ANK3: variants seen among roughly 807,000 people sequenced by gnomAD.
ANK3 encodes ankyrin 3, also known as ankyrin-3.
A neutral mutation model predicts 370.9 loss-of-function variants in ANK3; 57 were observed. That is an observed-to-expected ratio of 0.15 (90% CI 0.12 to 0.19). The LOEUF (loss-of-function observed/expected upper bound fraction) is 0.19, where lower values mean the gene tolerates loss of function less well. ANK3 is among the 10% of genes least tolerant of loss of function. The pLI, the probability that ANK3 is intolerant of heterozygous loss-of-function variation, is 1.00. For missense variants in ANK3, 4,439 were observed against 5,302.1 expected (o/e 0.84, Z 5.06); for synonymous variants, 1,929 against 1,946.3 (o/e 0.99, Z 0.23).
At chr10:60,333,880 A>T (rs2052101762) in intron 1 of ANK3, among the ~76,000 whole-genome samples, 1 of 152,112 alleles carries the variant, frequency 6.6e-6, no homozygotes. Context: ...CTACAGATGA[A>T]CCCAATGAAA....
At chr10:60,634,579 T>C (rs1424090480) in intron 1 of ANK3, among the ~76,000 whole-genome samples, 1 of 152,074 alleles carries the variant, frequency 6.6e-6, no homozygotes, top group East Asian at 1.9e-4. Flanking sequence ...AGGATGTGTG[T>C]GGGGCCAAAT....
At position 60,059,374 on chromosome 10, in the gene ANK3, C is replaced by A; in HGVS notation, c.12652G>T (p.Val4218Leu). Residue 4218 changes from valine to leucine, a missense_variant, in exon 41 of 44, where the codon GTA becomes TTA. Coordinates refer to ENST00000280772, the MANE Select transcript of ANK3 (RefSeq NM_020987.5). ...AGTCGATCTAGTAACCCACCAGTTACTCTTCGAGCTTGAGCGCAGGACTCT... is the reference window on the plus strand; with the variant it reads ...AGTCGATCTAGTAACCCACCAGTTAATCTTCGAGCTTGAGCGCAGGACTCT... ...NLESCAQARR[V>L]TGGLLDRLDD... The A allele has an allele frequency of 1.2e-6, 2 of 1,614,092 alleles. No individual in the cohort carries two copies. The highest frequency in any genetic ancestry group is 1.3e-5 in the African/African-American group (1 of 75,034).
intron 1 of ANK3, among the ~76,000 whole-genome samples, chr10:60,660,231 C>T (rs2078918398): frequency 6.6e-6 from 1 of 152,094 alleles, no homozygotes; most frequent in African/African-American, 2.4e-5. Flanking sequence ...CACATGCAGG[C>T]ACTAAAATAT....
chr10:60,328,265 T>C (rs890976095), intron 1 of ANK3, among the ~76,000 whole-genome samples: 5 of 152,226 alleles, frequency 3.3e-5, no homozygotes, highest in Non-Finnish European at 7.3e-5. Flanking sequence ...TATTGAATTA[T>C]GTAGGCTTAT....
intron 6 of ANK3, 81 bp from the exon 7 acceptor site, chr10:60,262,038 A>G (rs2097814747): frequency 8.0e-7 from 1 of 1,250,822 alleles, no homozygotes; most frequent in Non-Finnish European, 1.1e-6. Context: ...CCCTGCCCAA[A>G]TAAAAATGAG....
intron 2 of ANK3, among the ~76,000 whole-genome samples, chr10:60,562,861 C>T (rs1005641421): frequency 6.6e-6 from 1 of 152,122 alleles, no homozygotes; most frequent in Non-Finnish European, 1.5e-5. Flanking sequence ...ACAAAGAACT[C>T]CATTGTATGT....
At chr10:60,381,310 G>T (rs900680029) in intron 1 of ANK3, among the ~76,000 whole-genome samples, 1 of 151,884 alleles carries the variant, frequency 6.6e-6, no homozygotes, top group Non-Finnish European at 1.5e-5. Flanking sequence ...CTGTACATAG[G>T]GTTCTTAAGC....
intron 2 of ANK3, among the ~76,000 whole-genome samples, chr10:60,592,592 C>A (rs951096589): frequency 6.6e-6 from 1 of 152,070 alleles, no homozygotes; most frequent in African/African-American, 2.4e-5. Context: ...AAACCTGTCT[C>A]TACTAAAAAT....
At chr10:60,475,925 A>C (rs2075052533) in intron 2 of ANK3, among the ~76,000 whole-genome samples, 1 of 152,252 alleles carries the variant, frequency 6.6e-6, no homozygotes, top group African/African-American at 2.4e-5. Context: ...GCGCTTTAAA[A>C]GTAAGGGTTT....
At chr10:60,095,488 C>G (rs1011583195) in intron 28 of ANK3, among the ~76,000 whole-genome samples, 2 of 152,160 alleles carry the variant, frequency 1.3e-5, no homozygotes, top group African/African-American at 4.8e-5. Flanking sequence ...TCAAGCAATC[C>G]TCCCACTTCA....
At chr10:60,383,609 T>C (rs868748397) in intron 1 of ANK3, among the ~76,000 whole-genome samples, 4 of 152,254 alleles carry the variant, frequency 2.6e-5, no homozygotes, top group South Asian at 4.1e-4. Context: ...CATAGTCTCT[T>C]GGTAAGACAG....
intron 1 of ANK3, among the ~76,000 whole-genome samples, chr10:60,310,283 G>A (rs115919117): frequency 3.9e-5 from 6 of 151,982 alleles, no homozygotes; most frequent in East Asian, 1.9e-4. Flanking sequence ...ACACTCACCC[G>A]CAGGTTTCCA....
chr10:60,205,841 A>G lies in ANK3; in HGVS notation c.1244T>C (p.Val415Ala), dbSNP rs2096754660. Residue 415 changes from valine to alanine, a missense_variant, in exon 11 of 44, where the codon GTA becomes GCA. By Grantham distance (64) the Val-to-Ala change is moderately conservative. This residue lies in a region of ANK3 where 227 missense variants were observed against 377.6 expected (regional missense o/e 0.60). Coordinates refer to ENST00000280772, the MANE Select transcript of ANK3 (RefSeq NM_020987.5). ...HIACKKNRIK[V>A]MELLLKHGAS... ...ACCGTGTTTCAGAAGGAGTTCCATT[A>G]CTTTAATTCGATTCTTCTTGCAGGC... The G allele has an allele frequency of 1.2e-6, 2 of 1,614,070 alleles. No homozygotes were observed. Among genetic ancestry groups the G allele is most frequent in the Non-Finnish European group, 1.7e-6 (2 of 1,179,930 alleles).
At chr10:60,372,687 C>T (rs2060264493) in intron 1 of ANK3, among the ~76,000 whole-genome samples, 1 of 152,044 alleles carries the variant, frequency 6.6e-6, no homozygotes, top group Admixed American at 6.5e-5. Flanking sequence ...CTGCAGAGGC[C>T]CCGGCTTACT....
In ANK3 at chr10:60,571,055, G is replaced by GT. The variant is rs35835220; in HGVS notation, c.96+44130dup. Among the ~76,000 whole-genome samples, 747 of 133,530 alleles carry GT rather than the reference G, an allele frequency of 5.6e-3. 7 individuals carry two copies. Among genetic ancestry groups the GT allele is most frequent in the African/African-American group, 9.5e-3 (347 of 36,502 alleles). 87.6% of individuals were successfully genotyped at this position (133,530 alleles called of 152,430 possible). A position where few individuals can be genotyped will look rare whatever the true frequency, so the allele number is the denominator to read the frequency against. Reference sequence around the variant, plus strand: ...TTATAAACATGAGCAAACCTGACAGGTTTTTTTTTTTTTTTTTTGAGACCA... The same window carrying GT: ...TTATAAACATGAGCAAACCTGACAGGTTTTTTTTTTTTTTTTTTTGAGACCA... On this transcript the variant is annotated intron_variant, in intron 2 of 43. Transcript: ENST00000373827.
In ANK3 at chr10:60,173,182, C is replaced by T; in HGVS notation, c.2189G>A (p.Gly730Glu). 6.2e-7 allele frequency: 1 copy of T among 1,607,850 alleles called. No homozygotes were observed. The highest frequency in any genetic ancestry group is 8.5e-7 in the Non-Finnish European group (1 of 1,175,862). ...GCAGCCCACATGCAGTGGTGTGTATCCCATCTGTAATTATTATTTTTTTAA... is the reference window on the plus strand; with the variant it reads ...GCAGCCCACATGCAGTGGTGTGTATTCCATCTGTAATTATTATTTTTTTAA... ...GAHVDAQTKMGYTPLHVGCHY... is the reference protein window; with the variant it reads ...GAHVDAQTKMEYTPLHVGCHY... The change falls in exon 19 of 44, where the codon GGA becomes GAA. Residue 730 changes from glycine (G) to glutamate (E), a missense_variant. Physicochemically the swap from Gly to Glu is moderately conservative, Grantham distance 98 (BLOSUM62 -2). Coordinates refer to ENST00000280772, the MANE Select transcript of ANK3 (RefSeq NM_020987.5).
chr10:60,344,375 C>T lies in ANK3; in HGVS notation c.114+45050G>A, dbSNP rs1328486204. 5.3e-5 allele frequency among the ~76,000 whole-genome samples: 8 copies of T among 152,090 alleles called. 1 individual carries two copies. The highest frequency in any genetic ancestry group is 1.9e-4 in the African/African-American group (8 of 41,406). ...AGCTGTAGAAAACTGAAGAATAAAA[C>T]AATAATATAGTTACTAATCCAGATT... On this transcript the variant is annotated intron_variant, in intron 1 of 43. Transcript: ENST00000280772.
chr10:60,565,271 T>G (rs1269527746), intron 2 of ANK3, among the ~76,000 whole-genome samples: 2 of 152,154 alleles, frequency 1.3e-5, no homozygotes, highest in African/African-American at 4.8e-5. Context: ...CATTAGATTC[T>G]CATAAGGAGT....
At chr10:60,392,198 G>A (rs2063126013), upstream of ANK3, among the ~76,000 whole-genome samples, 1 of 152,164 alleles carries the variant, frequency 6.6e-6, no homozygotes, top group African/African-American at 2.4e-5. Context: ...ACAAATGCCA[G>A]TTTCCCCCCA....
Sources: allele counts gnomAD v4.1 joint callset (sites outside exome capture counted in the v4.1 genomes callset), GRCh38; gene constraint gnomAD v4.1.1; regional missense constraint gnomAD v4.1.1; transcripts MANE v1.5; gene names NCBI Gene and HGNC (gene_info 2026-07-23, HGNC 2026-07-21).